SUN3: variants seen among roughly 807,000 people sequenced by gnomAD.
The protein encoded by SUN3 is SUN domain-containing protein 3.
Under a neutral mutation model 48.2 loss-of-function variants are expected in SUN3, and 36 were observed. That is an observed-to-expected ratio of 0.75 (90% CI 0.57 to 0.99). The LOEUF (loss-of-function observed/expected upper bound fraction) is 0.99. Among genes scored for constraint, SUN3 ranks in the 50% least tolerant of loss-of-function variants. The pLI, the probability that SUN3 is intolerant of heterozygous loss-of-function variation, is 0.00. For synonymous variants in SUN3, 148 were observed against 147.9 expected (o/e 1.00, Z 0.00); for missense variants, 419 against 433.1 (o/e 0.97, Z 0.29).
chr7:48,005,526 A>G (rs768304531), intron 6 of SUN3, among the ~76,000 whole-genome samples: 16 of 152,214 alleles, frequency 1.1e-4, no homozygotes, highest in Non-Finnish European at 1.8e-4. Flanking sequence ...GATTAAGGTT[A>G]ATGATTCATA....
intron 6 of SUN3, among the ~76,000 whole-genome samples, chr7:48,004,250 G>C (rs1789464657): frequency 6.6e-6 from 1 of 152,160 alleles, no homozygotes; most frequent in Admixed American, 6.5e-5. Flanking sequence ...GTAGGAGTTT[G>C]CATGCCAAGT....
intron 8 of SUN3, among the ~76,000 whole-genome samples, chr7:47,990,198 G>A (rs947775222): frequency 1.3e-5 from 2 of 152,138 alleles, no homozygotes; most frequent in African/African-American, 4.8e-5. Context: ...GGAATGTCTC[G>A]GTGTAAAACC....
chr7:48,033,200 T>C (rs1729720534), upstream of SUN3, among the ~76,000 whole-genome samples: 2 of 152,380 alleles, frequency 1.3e-5, no homozygotes, highest in South Asian at 4.1e-4. Context: ...TTAATTTCCA[T>C]GGCATCATTA....
At chr7:48,002,823 G>T (rs1003745912) in intron 6 of SUN3, among the ~76,000 whole-genome samples, 5 of 152,094 alleles carry the variant, frequency 3.3e-5, no homozygotes, top group African/African-American at 1.2e-4. Context: ...GTCCTGAATG[G>T]TACATACAAC....
chr7:48,028,362 C>A (rs1418590478), intron 1 of SUN3, among the ~76,000 whole-genome samples: 1 of 151,366 alleles, frequency 6.6e-6, no homozygotes, highest in Non-Finnish European at 1.5e-5. Flanking sequence ...GCATCCCCTA[C>A]CAGAGTCTTT....
rs567886421 is a variant in SUN3 at position 48,012,857 on chromosome 7, T to G, written c.289-3782A>C. ...CCACCCACGTGAATAGGATTAGTGCTTTTAATAAAAAGCTCGAAGGAAGTA... is the reference window on the plus strand; with the variant it reads ...CCACCCACGTGAATAGGATTAGTGCGTTTAATAAAAAGCTCGAAGGAAGTA... On this transcript the variant is annotated intron_variant, in intron 3 of 9. Transcript: ENST00000297325. 2.6e-5 allele frequency among the ~76,000 whole-genome samples: 4 copies of G among 152,352 alleles called. No individual in the cohort carries two copies. The East Asian group carries it at 7.7e-4, about 29-fold the overall frequency.
chr7:48,026,448 A>G (rs541308404), intron 1 of SUN3, among the ~76,000 whole-genome samples: 1 of 152,170 alleles, frequency 6.6e-6, no homozygotes, highest in Non-Finnish European at 1.5e-5. Flanking sequence ...CTATACAAAT[A>G]CGATTTGTGC....
intron 2 of SUN3, among the ~76,000 whole-genome samples, chr7:48,024,378 A>G (rs79374993): frequency 0.014 from 2,102 of 152,346 alleles, 24 homozygotes; most frequent in Non-Finnish European, 0.023. Flanking sequence ...CATGTCTCCA[A>G]GGAACACATA....
chr7:48,033,405 T>A (rs77361460), upstream of SUN3, among the ~76,000 whole-genome samples: 1 of 143,782 alleles, frequency 7.0e-6, no homozygotes, highest in Admixed American at 6.9e-5. Context: ...CTAAAAAAAA[T>A]TTAAAAATTA....
the SUN3 span, among the ~76,000 whole-genome samples, chr7:48,034,578 G>T: frequency 2.0e-5 from 3 of 152,206 alleles, no homozygotes; most frequent in Non-Finnish European, 4.4e-5. Flanking sequence ...CACCGGGTAA[G>T]TAGCCCTTAT....
intron 3 of SUN3, among the ~76,000 whole-genome samples, chr7:48,016,530 G>A (rs1789817975): frequency 6.6e-6 from 1 of 152,162 alleles, no homozygotes; most frequent in African/African-American, 2.4e-5. Context: ...TGGGGGTGGG[G>A]TGGATCAGAA....
In SUN3 at chr7:47,996,037, A is replaced by T; in HGVS notation, c.687T>A (p.Ile229=). 2.0e-6 allele frequency: 3 copies of T among 1,512,706 alleles called. No individual in the cohort carries two copies. The highest frequency in any genetic ancestry group is 2.7e-6 in the Non-Finnish European group (3 of 1,126,112). 93.7% of individuals were successfully genotyped at this position (1,512,706 alleles called of 1,614,324 possible). Residue 229 remains isoleucine, a synonymous_variant, in exon 7 of 10, where the codon ATT becomes ATA. Transcript: ENST00000297325. ...FLNHEMPPDI[I]LQPDVYPGKC... is the part of the protein sequence containing the mutation. ...ATTCTTAATTTAGCTTTACCTGAAG[A>T]ATAATATCTGGAGGCATTTCATGAT... is the stretch of plus-strand genomic sequence containing the variant.
intron 2 of SUN3, among the ~76,000 whole-genome samples, chr7:48,025,196 T>C (rs1046087960): frequency 5.9e-5 from 9 of 152,140 alleles, no homozygotes; most frequent in African/African-American, 1.9e-4. Flanking sequence ...AAATGAGGTA[T>C]ATACATACAA....
chr7:48,011,176 A>G (rs1353259553), intron 3 of SUN3, among the ~76,000 whole-genome samples: 1 of 152,222 alleles, frequency 6.6e-6, no homozygotes, highest in African/African-American at 2.4e-5. Flanking sequence ...GGAGGTAGAC[A>G]TATCTTTTTG....
intron 7 of SUN3, among the ~76,000 whole-genome samples, chr7:47,995,368 T>TGGG (rs1274674541): frequency 6.6e-6 from 1 of 150,870 alleles, no homozygotes; most frequent in Non-Finnish European, 1.5e-5. Flanking sequence ...TTGATGGAGA[T>TGGG]GGGGGTGGTG....
chr7:48,034,232 C>T, the SUN3 span, among the ~76,000 whole-genome samples: 1 of 152,174 alleles, frequency 6.6e-6, no homozygotes, highest in East Asian at 1.9e-4. Flanking sequence ...GACTGGACCA[C>T]TGAAGATGCT....
chr7:47,987,496 T>C, intron 9 of SUN3, 47 bp from the exon 10 acceptor site: 2 of 1,464,650 alleles, frequency 1.4e-6, no homozygotes, highest in Non-Finnish European at 1.8e-6. Flanking sequence ...GAAATTCATC[T>C]CAAAGAATCC....
upstream of SUN3, among the ~76,000 whole-genome samples, chr7:48,032,509 G>T (rs1380377832): frequency 1.3e-5 from 2 of 152,224 alleles, no homozygotes; most frequent in African/African-American, 4.8e-5. Context: ...CAGAGTCAAA[G>T]AAATCCAGTC....
chr7:48,024,453 G>A (rs1402114492), intron 2 of SUN3, among the ~76,000 whole-genome samples: 1 of 151,790 alleles, frequency 6.6e-6, no homozygotes, highest in Non-Finnish European at 1.5e-5. Flanking sequence ...ATCAAACCAT[G>A]ATGAAACATG....
Sources: allele counts gnomAD v4.1 joint callset (sites outside exome capture counted in the v4.1 genomes callset), GRCh38; gene constraint gnomAD v4.1.1; transcripts MANE v1.5; gene names NCBI Gene and HGNC (gene_info 2026-07-23, HGNC 2026-07-21).